Variants in ESR2 observed in about 807,000 individuals in gnomAD.
ESR2 encodes estrogen receptor beta.
A neutral mutation model predicts 49.6 loss-of-function variants in ESR2; 36 were observed. The ratio of observed to expected loss-of-function variants is 0.73; its 90% CI spans 0.56 to 0.96. The LOEUF (loss-of-function observed/expected upper bound fraction) is 0.96, where lower values mean the gene tolerates loss of function less well. Among genes scored for constraint, ESR2 ranks in the 40% least tolerant of loss-of-function variants. The pLI, the probability that ESR2 is intolerant of heterozygous loss-of-function variation, is 0.00. For missense variants in ESR2, 714 were observed against 693.0 expected (o/e 1.03, Z -0.34); for synonymous variants, 320 against 266.1 (o/e 1.20, Z -1.97).
chr14:64,333,130 T>C (rs2077483849), intron 1 of ESR2, among the ~76,000 whole-genome samples: 1 of 152,022 alleles, frequency 6.6e-6, no homozygotes, highest in African/African-American at 2.4e-5. Context: ...ACAAGTCTTA[T>C]AATGAAAAAT....
At chr14:64,281,039 G>A (rs1034049670) in intron 2 of ESR2, among the ~76,000 whole-genome samples, 20 of 151,842 alleles carry the variant, frequency 1.3e-4, no homozygotes, top group African/African-American at 4.6e-4. Flanking sequence ...ACTTTAAGAG[G>A]AATAACAAAT....
chr14:64,268,943 T>C, intron 3 of ESR2, 32 bp from the exon 4 acceptor site: 2 of 1,219,362 alleles, frequency 1.6e-6, no homozygotes, highest in Non-Finnish European at 2.4e-6. Flanking sequence ...AAAAAGATTA[T>C]TGCTATGATC....
chr14:64,262,422 T>G (rs2076242546), intron 4 of ESR2, among the ~76,000 whole-genome samples: 1 of 152,146 alleles, frequency 6.6e-6, no homozygotes. Flanking sequence ...GCCCAAGAAT[T>G]AAGTTTTAGT....
chr14:64,257,245 G>A lies in ESR2; in HGVS notation c.1072C>T (p.Pro358Ser). ...IDHPGKLIFA[P>S]DLVLDRDEGK... ...TCTCACCTGTCCAGAACAAGATCTG[G>A]AGCAAAGATGAGCTTGCCGGGGTGG... Residue 358 changes from proline (P) to serine (S), a missense_variant, in exon 6 of 9, where the codon CCA becomes TCA. Transcript: ENST00000341099. The A allele has an allele frequency of 6.2e-7, 1 of 1,614,132 alleles. No individual in the cohort carries two copies. The highest frequency in any genetic ancestry group is 8.5e-7 in the Non-Finnish European group (1 of 1,180,004).
intron 1 of ESR2, among the ~76,000 whole-genome samples, chr14:64,300,360 C>A (rs1346693956): frequency 1.3e-5 from 2 of 152,132 alleles, no homozygotes; most frequent in African/African-American, 4.8e-5. Flanking sequence ...TCAACCGGAC[C>A]CCATCCCTTC....
At chr14:64,323,921 A>G (rs1051665208) in intron 1 of ESR2, among the ~76,000 whole-genome samples, 1 of 151,980 alleles carries the variant, frequency 6.6e-6, no homozygotes, top group African/African-American at 2.4e-5. Flanking sequence ...TGAACTCCCG[A>G]CCTCAGGTGA....
chr14:64,305,933 G>A lies in ESR2; in HGVS notation c.-90-22858C>T, dbSNP rs138426072. 5.6e-3 allele frequency among the ~76,000 whole-genome samples: 858 copies of A among 151,918 alleles called. 11 individuals are homozygous for A. Among genetic ancestry groups the A allele is most frequent in the African/African-American group, 0.02 (831 of 41,468 alleles). Reference sequence around the variant, plus strand: ...AAATGGGACTACAGAAAAATAGGCCGGGCACGGTGGCTCACGCCTGTAATC... The same window carrying A: ...AAATGGGACTACAGAAAAATAGGCCAGGCACGGTGGCTCACGCCTGTAATC... On this transcript the variant is annotated intron_variant, in intron 1 of 8. Coordinates refer to the ESR2 transcript ENST00000358599.
At chr14:64,282,395 T>C (rs1379860002) in intron 2 of ESR2, among the ~76,000 whole-genome samples, 2 of 152,106 alleles carry the variant, frequency 1.3e-5, no homozygotes, top group Admixed American at 1.3e-4. Context: ...ATAAAGACAA[T>C]AGTCATGATA....
chr14:64,273,346 T>G (rs1231699255), intron 3 of ESR2, among the ~76,000 whole-genome samples: 1 of 152,126 alleles, frequency 6.6e-6, no homozygotes, highest in African/African-American at 2.4e-5. Context: ...TCCAGTACTA[T>G]GTTGAATAAC....
At position 64,255,062 on chromosome 14, in the gene ESR2, TAC is replaced by T. The variant is rs372099229; in HGVS notation, c.1091+2162_1091+2163del. ...ATTTGTGTCCACTTATAGTAATGTA[TAC>T]ACACAATTACAGGAATTAAAGAACG... On this transcript the variant is annotated intron_variant, in intron 6 of 8. Transcript: ENST00000341099. Among the ~76,000 whole-genome samples the T allele has an allele frequency of 2.7e-4, 41 of 152,172 alleles. No individual in the cohort carries two copies. In the East Asian group the frequency reaches 7.7e-3, roughly 29 times the overall value.
At chr14:64,311,667 A>G (rs532403426) in intron 1 of ESR2, among the ~76,000 whole-genome samples, 7 of 148,644 alleles carry the variant, frequency 4.7e-5, no homozygotes, top group East Asian at 1.9e-4. Context: ...AAAAAAAATT[A>G]GCCAGGCATG....
intron 3 of ESR2, among the ~76,000 whole-genome samples, chr14:64,270,931 A>G (rs780613478): frequency 6.6e-5 from 10 of 152,234 alleles, no homozygotes; most frequent in Non-Finnish European, 5.9e-5. Flanking sequence ...TTGTTGCAGC[A>G]TTGTCCATTA....
At position 64,260,522 on chromosome 14, in the gene ESR2, G is replaced by A; in HGVS notation, c.879C>T (p.Ser293=). 1.3e-6 allele frequency: 2 copies of A among 1,556,026 alleles called. No individual in the cohort carries two copies. Among genetic ancestry groups the A allele is most frequent in the East Asian group, 4.5e-5 (2 of 44,114 alleles). ...SRPSAPFTEA[S]MMMSLTKLAD... is the part of the protein sequence containing the mutation. ...CCAACTTGGTCAGGGACATCATCAT[G>A]GAGGCCTCGGTGAAGGGCGCACTGG... is the stretch of plus-strand genomic sequence containing the variant. The change falls in exon 5 of 9, where the codon TCC becomes TCT. Residue 293 remains serine (S), a synonymous_variant. Coordinates refer to ENST00000341099, the MANE Select transcript of ESR2 (RefSeq NM_001437.3).
At chr14:64,246,698 C>G (rs2075862538) in intron 7 of ESR2, among the ~76,000 whole-genome samples, 1 of 130,706 alleles carries the variant, frequency 7.7e-6, no homozygotes. Flanking sequence ...CACCACTGCA[C>G]TCCACTCTAG....
chr14:64,233,312 A>G lies in ESR2; in HGVS notation c.1418T>C (p.Met473Thr). ...GCACTTCATGTTGAGCAGATGTTCC[A>G]TGCCCTTGTTACTATGGGGACAAAA... ...SHVRHASNKG[M>T]EHLLNMKCKN... is the part of the protein sequence containing the mutation. The change falls in exon 9 of 9, where the codon ATG becomes ACG. Residue 473 changes from methionine to threonine, a missense_variant. Met to Thr is a moderately conservative substitution (Grantham distance 81). Transcript: ENST00000341099. 6.2e-7 allele frequency: 1 copy of G among 1,612,238 alleles called. No homozygotes were observed. The highest frequency in any genetic ancestry group is 8.5e-7 in the Non-Finnish European group (1 of 1,178,360).
At chr14:64,332,760 A>G (rs1425650162) in intron 1 of ESR2, among the ~76,000 whole-genome samples, 1 of 146,920 alleles carries the variant, frequency 6.8e-6, no homozygotes, top group African/African-American at 2.5e-5. Context: ...AGATCGCACC[A>G]CTGCACTCCA....
chr14:64,298,802 G>A (rs893971564), upstream of ESR2, among the ~76,000 whole-genome samples: 9 of 152,086 alleles, frequency 5.9e-5, no homozygotes, highest in African/African-American at 1.7e-4. Flanking sequence ...CCTGTCCACT[G>A]CCCCTCAAAG....
intron 2 of ESR2, among the ~76,000 whole-genome samples, chr14:64,282,294 G>A (rs1035591273): frequency 2.0e-5 from 3 of 152,126 alleles, no homozygotes; most frequent in East Asian, 1.9e-4. Context: ...GCAGTGAGCC[G>A]CAATCGTGCC....
rs1383477028 is a variant in ESR2 at position 64,269,936 on chromosome 14, G to A, written c.536-1025C>T. On this transcript the variant is annotated intron_variant, in intron 3 of 8. Transcript: ENST00000341099. ...CCAGGAGACCAGATGACAGCCTGCT[G>A]TAGTTGTGCAAATGAGAGATGTCTG... Among the ~76,000 whole-genome samples the A allele has an allele frequency of 3.3e-5, 5 of 152,198 alleles. No individual in the cohort carries two copies. In the East Asian group the frequency reaches 9.6e-4, roughly 29 times the overall value.
Sources: allele counts gnomAD v4.1 joint callset (sites outside exome capture counted in the v4.1 genomes callset), GRCh38; gene constraint gnomAD v4.1.1; transcripts MANE v1.5; gene names NCBI Gene and HGNC (gene_info 2026-07-23, HGNC 2026-07-21).